CABIN1: variants seen among roughly 807,000 people sequenced by gnomAD.
CABIN1 encodes calcineurin binding protein 1.
In CABIN1, 133 loss-of-function variants were observed where a neutral mutation model predicts 227.7. The observed-to-expected ratio is 0.58, with a 90% CI of 0.51 to 0.67. The LOEUF is 0.67. CABIN1 is among the 30% of genes least tolerant of loss of function. The pLI, the probability that CABIN1 is intolerant of heterozygous loss-of-function variation, is 0.00. For synonymous variants in CABIN1, 1,086 were observed against 1,155.1 expected (o/e 0.94, Z 1.21); for missense variants, 2,408 against 2,852.5 (o/e 0.84, Z 3.55).
At chr22:24,045,719 T>C (rs1405162813) in intron 6 of CABIN1, among the ~76,000 whole-genome samples, 2 of 152,202 alleles carry the variant, frequency 1.3e-5, no homozygotes, top group Non-Finnish European at 2.9e-5. Flanking sequence ...TAAAATATGA[T>C]AGATTGGGTA....
intron 30 of CABIN1, among the ~76,000 whole-genome samples, chr22:24,164,774 G>A (rs993943286): frequency 6.6e-6 from 1 of 152,086 alleles, no homozygotes; most frequent in Non-Finnish European, 1.5e-5. Context: ...GGCAGACACA[G>A]CCTGTCCCCA....
intron 9 of CABIN1, 89 bp downstream of exon 9, chr22:24,055,248 A>G: frequency 6.9e-7 from 1 of 1,447,096 alleles, no homozygotes; most frequent in Non-Finnish European, 9.4e-7. Context: ...CTGCCTCCCT[A>G]GACAGAAGGG....
In CABIN1 at chr22:24,111,486, G is replaced by A. The variant is rs1386786718; in HGVS notation, c.4118-2080G>A. Among the ~76,000 whole-genome samples, 5 of 152,168 alleles carry A rather than the reference G, an allele frequency of 3.3e-5. No homozygotes were observed. In the East Asian group the frequency reaches 5.8e-4, roughly 18 times the overall value. On this transcript the variant is annotated intron_variant, in intron 26 of 36. Transcript: ENST00000263119. Reference sequence around the variant, plus strand: ...CACATGTGAGGGATCTAGGTTGTGCGCTCCTCGTGAGAATCTAATGCCAGA... The same window carrying A: ...CACATGTGAGGGATCTAGGTTGTGCACTCCTCGTGAGAATCTAATGCCAGA...
chr22:24,065,210 G>A (rs1288892245), intron 15 of CABIN1, among the ~76,000 whole-genome samples: 8 of 151,238 alleles, frequency 5.3e-5, no homozygotes, highest in Non-Finnish European at 8.9e-5. Flanking sequence ...CTTCCCAGAC[G>A]GGGCGGCTGC....
intron 35 of CABIN1, among the ~76,000 whole-genome samples, chr22:24,176,776 G>A (rs1055341125): frequency 6.6e-6 from 1 of 152,230 alleles, no homozygotes; most frequent in African/African-American, 2.4e-5. Context: ...GTTCCCACCA[G>A]CTGCCCCAAC....
intron 10 of CABIN1, among the ~76,000 whole-genome samples, chr22:24,056,937 T>G (rs557701153): frequency 6.6e-6 from 1 of 150,524 alleles, no homozygotes; most frequent in East Asian, 1.9e-4. Context: ...TCACCAGTCC[T>G]TCTGCCTTTT....
intron 29 of CABIN1, among the ~76,000 whole-genome samples, chr22:24,155,615 C>T (rs1569293393): frequency 6.6e-6 from 1 of 152,212 alleles, no homozygotes; most frequent in Non-Finnish European, 1.5e-5. Flanking sequence ...AAGGACAGCT[C>T]GGCTGTGGCC....
intron 6 of CABIN1, among the ~76,000 whole-genome samples, chr22:24,048,194 A>T (rs2038044373): frequency 1.3e-5 from 2 of 152,100 alleles, no homozygotes; most frequent in Admixed American, 6.5e-5. Flanking sequence ...AAGGAGGAAA[A>T]TTGGAAAATA....
chr22:24,128,185 A>G (rs187498076), intron 28 of CABIN1, among the ~76,000 whole-genome samples: 1 of 151,672 alleles, frequency 6.6e-6, no homozygotes, highest in South Asian at 2.1e-4. Flanking sequence ...TTTACACACA[A>G]ACAGACACAC....
At chr22:24,071,290 T>C (rs1372906430) in intron 17 of CABIN1, 2 of 554,710 alleles carry the variant, frequency 3.6e-6, no homozygotes, top group African/African-American at 3.8e-5. Flanking sequence ...TTCCAGACCA[T>C]CCGTCCCAGA....
rs145864566 is a variant in CABIN1, at chr22:24,136,524, A to ATTTTTTTTT, written c.4746+2125_4746+2133dup. 7.0e-3 allele frequency among the ~76,000 whole-genome samples: 489 copies of ATTTTTTTTT among 69,830 alleles called. 27 individuals are homozygous for ATTTTTTTTT. Among genetic ancestry groups the ATTTTTTTTT allele is most frequent in the Non-Finnish European group, 0.01 (382 of 36,744 alleles). The allele number at this position is 69,830 out of a possible 152,430, so 45.8% of individuals were successfully genotyped here. ...ACTGCCACGCCCAGCTAATTTTTGT[A>ATTTTTTTTT]TTTTTTTTTTTTTTTTTTTTTTTTA... On this transcript the variant is annotated intron_variant, in intron 29 of 36. Coordinates refer to ENST00000263119, the MANE Select transcript of CABIN1 (RefSeq NM_012295.4).
Position 24,119,647 on chromosome 22 carries a change from TAA to T in CABIN1, c.4582_4583del (p.Lys1528GlufsTer65). 1 of 1,614,010 alleles carries T rather than the reference TAA, an allele frequency of 6.2e-7. No individual in the cohort carries two copies. The highest frequency in any genetic ancestry group is 8.5e-7 in the Non-Finnish European group (1 of 1,180,016). On this transcript the variant is annotated frameshift_variant, in exon 28 of 37. Transcript: ENST00000263119. LOFTEE classifies it high-confidence loss of function. ...GCCTGAGCCGCTTCCCCCAGCACTA[TAA>T]GAGTCTCTACCGTCTGGCCTTCCTC... ...LCLSRFPQHY[K>X]SLYRLAFLYT...
At chr22:24,044,847 C>G (rs2037717966) in intron 6 of CABIN1, among the ~76,000 whole-genome samples, 1 of 151,954 alleles carries the variant, frequency 6.6e-6, no homozygotes, top group South Asian at 2.1e-4. Context: ...ACATTCTGTA[C>G]ATGATTATTT....
At position 24,166,700 on chromosome 22, in the gene CABIN1, T is replaced by C. The variant is rs537435674; in HGVS notation, c.5069T>C (p.Val1690Ala). Residue 1690 changes from valine to alanine, a missense_variant, in exon 32 of 37, where the codon GTC (valine) becomes GCC (alanine). Physicochemically the swap from Val to Ala is moderately conservative, Grantham distance 64 (BLOSUM62 0). Around this residue, in one of 3 missense-constraint regions of CABIN1, gnomAD observed 714 missense variants for 773.8 expected, o/e 0.92. Coordinates refer to ENST00000263119, the MANE Select transcript of CABIN1 (RefSeq NM_012295.4). ...CCCGGAGCCAGGATGACCACCGATG[T>C]CTCACACAAGGCCAGTCCTGAGGAT... is the stretch of plus-strand genomic sequence containing the variant. Reference protein sequence around the residue: ...GLPGARMTTDVSHKASPEDGQ... With the variant: ...GLPGARMTTDASHKASPEDGQ... 1 of 1,612,608 alleles carries C rather than the reference T, an allele frequency of 6.2e-7. No homozygotes were observed. The highest frequency in any genetic ancestry group is 1.7e-5 in the Admixed American group (1 of 60,008).
chr22:24,034,954 C>T (rs962664266), intron 1 of CABIN1, among the ~76,000 whole-genome samples: 1 of 152,218 alleles, frequency 6.6e-6, no homozygotes, highest in Non-Finnish European at 1.5e-5. Context: ...ATTCACATCC[C>T]TGCTCTAAGG....
chr22:24,154,991 G>A (rs550085370), intron 29 of CABIN1, among the ~76,000 whole-genome samples: 7 of 152,204 alleles, frequency 4.6e-5, no homozygotes, highest in Admixed American at 3.3e-4. Flanking sequence ...AGAGAAGCTC[G>A]CTATGTGATA....
intron 28 of CABIN1, among the ~76,000 whole-genome samples, chr22:24,132,428 T>A (rs1428063325): frequency 1.3e-5 from 2 of 152,118 alleles, no homozygotes; most frequent in Non-Finnish European, 2.9e-5. Flanking sequence ...CAGGGGCATG[T>A]GGCCTGGGAT....
At chr22:24,154,013 A>G (rs2045640317) in intron 29 of CABIN1, among the ~76,000 whole-genome samples, 1 of 152,100 alleles carries the variant, frequency 6.6e-6, no homozygotes, top group African/African-American at 2.4e-5. Flanking sequence ...GAGAGCACCT[A>G]TCCACTCTAC....
chr22:24,023,737 G>GTTT (rs201509795), intron 1 of CABIN1, among the ~76,000 whole-genome samples: 2 of 141,034 alleles, frequency 1.4e-5, no homozygotes, highest in South Asian at 2.3e-4. Flanking sequence ...TCATTTACCT[G>GTTT]TTTTTTTTTT....
Sources: allele counts gnomAD v4.1 joint callset (sites outside exome capture counted in the v4.1 genomes callset), GRCh38; gene constraint gnomAD v4.1.1; regional missense constraint gnomAD v4.1.1; transcripts MANE v1.5; gene names NCBI Gene and HGNC (gene_info 2026-07-23, HGNC 2026-07-21).